ADGRB3: variants seen among roughly 807,000 people sequenced by gnomAD.
ADGRB3 encodes the protein brain-specific angiogenesis inhibitor 3.
Under a neutral mutation model 193.4 loss-of-function variants are expected in ADGRB3, and 37 were observed. That is an observed-to-expected ratio of 0.19 (90% CI 0.15 to 0.25). The LOEUF is 0.25. Ranked by LOEUF, ADGRB3 falls within the 10% of genes least tolerant of loss-of-function variation. The pLI is 1.00. For missense variants in ADGRB3, 1,637 were observed against 1,852.9 expected (o/e 0.88, Z 2.14); for synonymous variants, 690 against 644.2 (o/e 1.07, Z -1.08).
At chr6:69,298,920 A>G (rs2127295755) in intron 20 of ADGRB3, among the ~76,000 whole-genome samples, 1 of 151,998 alleles carries the variant, frequency 6.6e-6, no homozygotes, top group African/African-American at 2.4e-5. Context: ...GCTGGATCAT[A>G]TGGTAGTTCT....
intron 17 of ADGRB3, among the ~76,000 whole-genome samples, chr6:69,176,153 G>T (rs1460031608): frequency 6.6e-6 from 1 of 152,064 alleles, no homozygotes; most frequent in Non-Finnish European, 1.5e-5. Flanking sequence ...GATTTATCCA[G>T]CAAGTACTTC....
chr6:68,976,290 A>T (rs775333869), intron 10 of ADGRB3, among the ~76,000 whole-genome samples: 2 of 152,196 alleles, frequency 1.3e-5, no homozygotes, highest in Non-Finnish European at 2.9e-5. Context: ...TTATCAGAAA[A>T]AGAAAAGCAT....
rs528509162 is a variant in ADGRB3, at chr6:69,084,350, T to A, written c.2480+8312T>A. 2.0e-5 allele frequency among the ~76,000 whole-genome samples: 3 copies of A among 152,298 alleles called. 1 individual carries two copies. In the South Asian group the frequency reaches 6.2e-4, roughly 32 times the overall value. ...AAAAGAAAGAAAAACCAAGGAGCCA[T>A]GTGTGTTAAAACAAAACAAAGCAAA... On this transcript the variant is annotated intron_variant, in intron 17 of 31. Transcript: ENST00000370598.
chr6:68,842,998 A>G (rs1562052543), intron 3 of ADGRB3, among the ~76,000 whole-genome samples: 1 of 151,906 alleles, frequency 6.6e-6, no homozygotes, highest in Non-Finnish European at 1.5e-5. Context: ...AACATAAAAA[A>G]AGCTGGGTGT....
At chr6:68,797,102 C>T (rs1358118529) in intron 3 of ADGRB3, among the ~76,000 whole-genome samples, 1 of 152,104 alleles carries the variant, frequency 6.6e-6, no homozygotes, top group Non-Finnish European at 1.5e-5. Context: ...ACTGAAGGAG[C>T]CATGATGAAA....
At chr6:69,212,224 A>G (rs1031277326) in intron 17 of ADGRB3, among the ~76,000 whole-genome samples, 1 of 152,192 alleles carries the variant, frequency 6.6e-6, no homozygotes, top group Admixed American at 6.5e-5. Context: ...GTGTTTTATG[A>G]TGGCCTTTTC....
chr6:68,937,959 A>G (rs1053054848), intron 5 of ADGRB3, among the ~76,000 whole-genome samples: 8 of 152,182 alleles, frequency 5.3e-5, no homozygotes, highest in Admixed American at 4.6e-4. Context: ...TGTGGAGGAA[A>G]TAAAAAGTAA....
chr6:69,044,622 A>G (rs1771187685), intron 13 of ADGRB3, among the ~76,000 whole-genome samples: 1 of 152,178 alleles, frequency 6.6e-6, no homozygotes, highest in Non-Finnish European at 1.5e-5. Flanking sequence ...CTCTTAAAGG[A>G]ATTTTATGCT....
chr6:69,373,267 C>T (rs1204934645), intron 30 of ADGRB3, among the ~76,000 whole-genome samples: 1 of 151,938 alleles, frequency 6.6e-6, no homozygotes, highest in Non-Finnish European at 1.5e-5. Context: ...ATTGATACTC[C>T]TAAAATTACA....
Position 69,332,888 on chromosome 6 carries a change from A to G in ADGRB3, c.3103-35A>G, listed in dbSNP as rs201540520. The G allele has an allele frequency of 1.5e-4, 243 of 1,610,308 alleles. 1 individual carries two copies. The African/African-American group carries it at 2.7e-3, about 18-fold the overall frequency. On this transcript the variant is annotated intron_variant, in intron 23 of 31. Coordinates refer to ENST00000370598, the MANE Select transcript of ADGRB3 (RefSeq NM_001704.3). ...AAACAGGGACCTGATTCCCTTCAAT[A>G]TCATTGAAAGGTCAACTTTGTTTCT...
intron 10 of ADGRB3, among the ~76,000 whole-genome samples, chr6:68,992,709 A>T (rs1003679089): frequency 3.4e-4 from 52 of 152,220 alleles, no homozygotes; most frequent in Admixed American, 2.5e-3. Context: ...CAGAAAAAGA[A>T]AAGTAAAATA....
At chr6:68,772,893 AAATATATATATATATATATAT>A (rs1474790821) in intron 3 of ADGRB3, among the ~76,000 whole-genome samples, 1,267 of 22,684 alleles carry the variant, frequency 0.056, 79 homozygotes, top group African/African-American at 0.24. Context: ...AAAAAAAAAA[AAATATATATATATATATATAT>A]ATATATATAT....
At chr6:69,067,146 T>G (rs1771934310) in intron 16 of ADGRB3, among the ~76,000 whole-genome samples, 1 of 152,134 alleles carries the variant, frequency 6.6e-6, no homozygotes. Flanking sequence ...GCCTGCAGTC[T>G]CATCTTGGCT....
chr6:68,825,508 G>A (rs192187236), intron 3 of ADGRB3, among the ~76,000 whole-genome samples: 85 of 152,226 alleles, frequency 5.6e-4, no homozygotes, highest in African/African-American at 1.9e-3. Flanking sequence ...CTTCGATACC[G>A]ACAGATTAAG....
intron 13 of ADGRB3, among the ~76,000 whole-genome samples, chr6:69,040,689 AAAAAAAAAAAAAAAAAAAAAC>A (rs1288814037): frequency 3.5e-5 from 5 of 142,356 alleles, no homozygotes; most frequent in African/African-American, 1.0e-4. Flanking sequence ...AAAAAAAAAA[AAAAAAAAAAAAAAAAAAAAAC>A]AAACAAGAAT....
intron 16 of ADGRB3, among the ~76,000 whole-genome samples, 184 bp downstream of exon 16, chr6:69,063,220 T>C (rs1457937166): frequency 6.6e-6 from 1 of 151,996 alleles, no homozygotes; most frequent in African/African-American, 2.4e-5. Flanking sequence ...ATGATAAAAT[T>C]CTCTTCAATT....
At chr6:68,808,241 A>C (rs1767444704) in intron 3 of ADGRB3, among the ~76,000 whole-genome samples, 1 of 152,166 alleles carries the variant, frequency 6.6e-6, no homozygotes. Flanking sequence ...CAAATGTATA[A>C]TCAATAAGAG....
At chr6:69,146,109 A>G (rs1024092726) in intron 17 of ADGRB3, among the ~76,000 whole-genome samples, 1 of 152,042 alleles carries the variant, frequency 6.6e-6, no homozygotes, top group African/African-American at 2.4e-5. Flanking sequence ...ACCACTTTTT[A>G]TGGTGCCCAG....
At chr6:68,970,303 T>TA (rs1768521256) in intron 8 of ADGRB3, among the ~76,000 whole-genome samples, 1 of 151,370 alleles carries the variant, frequency 6.6e-6, no homozygotes, top group Admixed American at 6.6e-5. Context: ...TTTTTTTTTT[T>TA]AAATGGAATC....
Sources: allele counts gnomAD v4.1 joint callset (sites outside exome capture counted in the v4.1 genomes callset), GRCh38; gene constraint gnomAD v4.1.1; transcripts MANE v1.5; gene names NCBI Gene and HGNC (gene_info 2026-07-23, HGNC 2026-07-21).